The following KLHL29 variants were observed in gnomAD, a reference collection of about 807,000 sequenced individuals.
KLHL29 encodes the protein kelch-like protein 29.
KLHL29 carries 21 observed loss-of-function variants against 80.4 expected under a neutral mutation model. The observed-to-expected ratio is 0.26, with a 90% CI of 0.19 to 0.38. KLHL29 has a LOEUF of 0.38. Ranked by LOEUF, KLHL29 falls within the 10% of genes least tolerant of loss-of-function variation. The probability of loss-of-function intolerance (pLI) is 1.00; values close to 1 mark genes in which losing one functional copy is unlikely to be tolerated. For synonymous variants in KLHL29, 511 were observed against 526.8 expected (o/e 0.97, Z 0.41); for missense variants, 867 against 1,223.9 (o/e 0.71, Z 4.35).
chr2:23,392,323 T>G (rs1416849520), intron 1 of KLHL29, among the ~76,000 whole-genome samples: 1 of 152,246 alleles, frequency 6.6e-6, no homozygotes, highest in Non-Finnish European at 1.5e-5. Flanking sequence ...CTATCAGTAC[T>G]TATTCTGAAA....
chr2:23,425,359 G>A (rs1662978421), intron 1 of KLHL29, among the ~76,000 whole-genome samples: 2 of 152,182 alleles, frequency 1.3e-5, no homozygotes, highest in South Asian at 4.1e-4. Flanking sequence ...GGGGAGAGAA[G>A]TGAGGGTGGG....
intron 3 of KLHL29, among the ~76,000 whole-genome samples, chr2:23,597,373 G>A (rs57524654): frequency 1.4e-3 from 19 of 13,534 alleles, no homozygotes; most frequent in African/African-American, 5.6e-3. Flanking sequence ...ATATATATAT[G>A]TGTGTGTGTG....
In KLHL29 at chr2:23,669,538, C is replaced by T. The variant is rs1437033347; in HGVS notation, c.941-14861C>T. 1 of 152,322 alleles carries T rather than the reference C, an allele frequency of 6.6e-6. No homozygotes were observed. Among genetic ancestry groups the T allele is most frequent in the East Asian group, 1.9e-4 (1 of 5,188 alleles). The allele number at this position is 152,322 out of a possible 1,614,324, so 9.4% of individuals were successfully genotyped here. On this transcript the variant is annotated intron_variant, in intron 5 of 13. Transcript: ENST00000486442. The surrounding 1 kb of genome is among the most constrained non-coding windows in gnomAD (Gnocchi z 4.3). Reference sequence around the variant, plus strand: ...AGCCAGATTGTTGCATCACTTCTGCCCCCTGCACAGGGCCCGGCACACAGT... The same window carrying T: ...AGCCAGATTGTTGCATCACTTCTGCTCCCTGCACAGGGCCCGGCACACAGT...
At chr2:23,639,930 C>T (rs900922882) in intron 4 of KLHL29, among the ~76,000 whole-genome samples, 2 of 152,204 alleles carry the variant, frequency 1.3e-5, no homozygotes, top group Non-Finnish European at 2.9e-5. Context: ...GGCCCTTTGC[C>T]TTCCAAGGCT....
rs140969070 is a variant in KLHL29, at chr2:23,681,449, G to A, written c.941-2950G>A. Among the ~76,000 whole-genome samples, 177 of 152,220 alleles carry A rather than the reference G, an allele frequency of 1.2e-3. 1 individual carries two copies. Among genetic ancestry groups the A allele is most frequent in the African/African-American group, 4.0e-3 (168 of 41,536 alleles). On this transcript the variant is annotated intron_variant, in intron 5 of 13. Coordinates refer to ENST00000486442, the MANE Select transcript of KLHL29 (RefSeq NM_052920.2). The surrounding 1 kb of genome is among the most constrained non-coding windows in gnomAD (Gnocchi z 4.2). The stretch of plus-strand genomic sequence containing the variant: ...TGGGGCTTTAGATAGAATCATTGCC[G>A]GGACCTCGATTTGAAAGGAAGGTCT...
chr2:23,546,592 T>C (rs941149069), intron 2 of KLHL29, among the ~76,000 whole-genome samples: 1 of 152,072 alleles, frequency 6.6e-6, no homozygotes, highest in Non-Finnish European at 1.5e-5. Context: ...GGGCTGACTA[T>C]AGGGAGCAGC....
chr2:23,452,162 C>G (rs1163836402), intron 1 of KLHL29, among the ~76,000 whole-genome samples: 1 of 151,160 alleles, frequency 6.6e-6, no homozygotes, highest in Non-Finnish European at 1.5e-5. Flanking sequence ...CAAGCATGTC[C>G]CACCGTGCCC....
chr2:23,628,567 G>A (rs1263317220), intron 3 of KLHL29, among the ~76,000 whole-genome samples: 1 of 152,212 alleles, frequency 6.6e-6, no homozygotes, highest in Non-Finnish European at 1.5e-5. Flanking sequence ...TAGGAGGATC[G>A]CTTGAGCCCA....
At chr2:23,388,649 A>T (rs1178249750) in intron 1 of KLHL29, among the ~76,000 whole-genome samples, 1 of 152,124 alleles carries the variant, frequency 6.6e-6, no homozygotes, top group African/African-American at 2.4e-5. Flanking sequence ...TCCTTCTTTT[A>T]TCAATTGATT....
intron 1 of KLHL29, among the ~76,000 whole-genome samples, chr2:23,426,205 T>A (rs1446618158): frequency 6.6e-6 from 1 of 152,176 alleles, no homozygotes; most frequent in African/African-American, 2.4e-5. Context: ...GCAGAAACCA[T>A]TCTACTGTAC....
At chr2:23,458,797 G>A (rs1022605079) in intron 1 of KLHL29, among the ~76,000 whole-genome samples, 16 of 152,332 alleles carry the variant, frequency 1.1e-4, no homozygotes, top group African/African-American at 3.8e-4. Flanking sequence ...AGGAGAACGG[G>A]GACAGGGGTG....
At chr2:23,583,090 G>A (rs944431066) in intron 3 of KLHL29, among the ~76,000 whole-genome samples, 2 of 152,302 alleles carry the variant, frequency 1.3e-5, no homozygotes, top group Admixed American at 1.3e-4. Context: ...AACTGGAAGA[G>A]GCAAAGGACC....
intron 3 of KLHL29, among the ~76,000 whole-genome samples, chr2:23,599,539 ATATT>A (rs1219398397): frequency 1.3e-5 from 2 of 151,086 alleles, no homozygotes; most frequent in Non-Finnish European, 2.9e-5. Flanking sequence ...AATATTTACT[ATATT>A]TAATAATTTA....
At chr2:23,525,726 G>GCCC (rs746729913) in intron 2 of KLHL29, among the ~76,000 whole-genome samples, 151 of 62,484 alleles carry the variant, frequency 2.4e-3, no homozygotes, top group Middle Eastern at 0.019. Flanking sequence ...CCCAGCCCCT[G>GCCC]CCCCCCCCCC....
chr2:23,602,406 G>A (rs536752387), intron 3 of KLHL29, among the ~76,000 whole-genome samples: 14 of 152,204 alleles, frequency 9.2e-5, no homozygotes, highest in Middle Eastern at 6.8e-3. Context: ...TGTCCTGGTC[G>A]GCCCCAAAGG....
At chr2:23,609,945 A>G (rs1252374526) in intron 3 of KLHL29, among the ~76,000 whole-genome samples, 1 of 152,082 alleles carries the variant, frequency 6.6e-6, no homozygotes, top group Non-Finnish European at 1.5e-5. Context: ...GGTCCACACT[A>G]CTGTCTTCAG....
At chr2:23,537,105 T>C (rs1666692511) in intron 2 of KLHL29, among the ~76,000 whole-genome samples, 1 of 152,194 alleles carries the variant, frequency 6.6e-6, no homozygotes, top group Non-Finnish European at 1.5e-5. Context: ...GATGCCACTT[T>C]CTTGCAGTCT....
intron 5 of KLHL29, 117 bp downstream of exon 5, chr2:23,642,967 A>C (rs1180926394): frequency 2.5e-6 from 3 of 1,215,232 alleles, no homozygotes; most frequent in Non-Finnish European, 3.6e-6. Context: ...TGGCCTCCCC[A>C]ACCCAGAGGC....
At position 23,642,460 on chromosome 2, in the gene KLHL29, G is replaced by A. The variant is rs1166571306; in HGVS notation, c.550G>A (p.Gly184Arg). ...PAVNVQAPVI[G>R]VTPSLPPHVG... ...TGTGAACGTCCAGGCCCCGGTCATTGGGGTGACCCCCTCACTGCCTCCCCA... is the reference window on the plus strand; with the variant it reads ...TGTGAACGTCCAGGCCCCGGTCATTAGGGTGACCCCCTCACTGCCTCCCCA... The change falls in exon 5 of 14, where the codon GGG becomes AGG. Residue 184 changes from glycine (G) to arginine (R), a missense_variant. Physicochemically the swap from Gly to Arg is moderately radical, Grantham distance 125. Around this residue, in one of 2 missense-constraint regions of KLHL29, gnomAD observed 424 missense variants for 456.9 expected, o/e 0.93. Coordinates refer to ENST00000486442, the MANE Select transcript of KLHL29 (RefSeq NM_052920.2). 5 of 1,511,148 alleles carry A rather than the reference G, an allele frequency of 3.3e-6. No individual in the cohort carries two copies. In the South Asian group the frequency reaches 5.2e-5, roughly 16 times the overall value. The allele number at this position is 1,511,148 out of a possible 1,614,324, so 93.6% of individuals were successfully genotyped here.
Sources: allele counts gnomAD v4.1 joint callset (sites outside exome capture counted in the v4.1 genomes callset), GRCh38; gene constraint gnomAD v4.1.1; regional missense constraint gnomAD v4.1.1; non-coding constraint Gnocchi (gnomAD v3.1); transcripts MANE v1.5; gene names NCBI Gene and HGNC (gene_info 2026-07-23, HGNC 2026-07-21).